PAXBP1: variants seen among roughly 807,000 people sequenced by gnomAD.
PAXBP1 encodes the protein PAX3- and PAX7-binding protein 1.
A neutral mutation model predicts 119.9 loss-of-function variants in PAXBP1; 44 were observed. That is an observed-to-expected ratio of 0.37 (90% confidence interval 0.29 to 0.47). The LOEUF is 0.47. Among genes scored for constraint, PAXBP1 ranks in the 20% least tolerant of loss-of-function variants. PAXBP1 has a pLI of 0.99. For synonymous variants in PAXBP1, 393 were observed against 406.6 expected, an observed-to-expected ratio of 0.97 and a Z score of 0.40; for missense variants, 898 against 1,134.1, an observed-to-expected ratio of 0.79 and a Z score of 2.99.
intron 2 of PAXBP1, among the ~76,000 whole-genome samples, chr21:32,766,425 T>C (rs1486919963): frequency 1.3e-5 from 2 of 152,196 alleles, no homozygotes; most frequent in African/African-American, 4.8e-5. Flanking sequence ...TTTCATTTAC[T>C]ACTACTTCAG....
At chr21:32,770,038 AATAT>A in intron 1 of PAXBP1, 96 bp from the exon 2 acceptor site, 1 of 901,048 alleles carries the variant, frequency 1.1e-6, no homozygotes, top group Non-Finnish European at 1.6e-6. Flanking sequence ...AATTATCCCA[AATAT>A]ATATACTCAT....
intron 11 of PAXBP1, among the ~76,000 whole-genome samples, chr21:32,748,006 T>C (rs1025164160): frequency 6.6e-6 from 1 of 151,756 alleles, no homozygotes; most frequent in African/African-American, 2.4e-5. Flanking sequence ...AGGCTGGTCT[T>C]GAACTCCTGA....
Position 32,758,695 on chromosome 21 carries a change from T to A in PAXBP1, c.1383+385A>T, listed in dbSNP as rs113324347. 1.3e-3 allele frequency among the ~76,000 whole-genome samples: 195 copies of A among 146,182 alleles called. 2 individuals are homozygous for A. The highest frequency in any genetic ancestry group is 2.1e-3 in the Non-Finnish European group (136 of 66,278). ...ATAAAAATTTGCAACTTTATATGCATATTTAGAATTGCTTGTAGAAACGTT... is the reference window on the plus strand; with the variant it reads ...ATAAAAATTTGCAACTTTATATGCAAATTTAGAATTGCTTGTAGAAACGTT... On this transcript the variant is annotated intron_variant, in intron 7 of 17. Transcript: ENST00000331923.
At chr21:32,750,416 G>A (rs2043941169) in intron 10 of PAXBP1, among the ~76,000 whole-genome samples, 1 of 152,234 alleles carries the variant, frequency 6.6e-6, no homozygotes, top group Non-Finnish European at 1.5e-5. Flanking sequence ...CAAATGGTGT[G>A]CAATTGATAT....
At chr21:32,766,231 T>A (rs1037520431) in intron 2 of PAXBP1, among the ~76,000 whole-genome samples, 3 of 152,194 alleles carry the variant, frequency 2.0e-5, no homozygotes, top group Non-Finnish European at 4.4e-5. Context: ...GCTCAGATAA[T>A]GAATGATTCC....
Position 32,768,531 on chromosome 21 carries a change from C to T in PAXBP1, c.472+1283G>A, listed in dbSNP as rs1369254635. 2.0e-5 allele frequency among the ~76,000 whole-genome samples: 3 copies of T among 152,212 alleles called. No homozygotes were observed. The East Asian group carries it at 5.8e-4, about 29-fold the overall frequency. On this transcript the variant is annotated intron_variant, in intron 2 of 17. Coordinates refer to ENST00000331923, the MANE Select transcript of PAXBP1 (RefSeq NM_016631.4). ...CTAAAACAACAGAAAACATTTTTAA[C>T]TCATCCAGAATTTCCTACTAAATCA...
chr21:32,737,401 T>C lies in PAXBP1; in HGVS notation c.2489A>G (p.Asn830Ser), dbSNP rs370348660. 8.6e-5 allele frequency: 138 copies of C among 1,599,110 alleles called. No homozygotes were observed. Among genetic ancestry groups the C allele is most frequent in the Middle Eastern group, 5.0e-4 (3 of 6,014 alleles). ...DSIKKAQNVI[N>S]CFPKQWFMNL... Reference sequence around the variant, plus strand: ...CATGAACCATTGTTTGGGGAAACAATTGATTACCTGTGGAGAAGAAAGACG... The same window carrying C: ...CATGAACCATTGTTTGGGGAAACAACTGATTACCTGTGGAGAAGAAAGACG... Residue 830 changes from asparagine (N) to serine (S), a missense_variant, in exon 17 of 18, where the codon AAT (asparagine) becomes AGT (serine). Around this residue, in one of 2 missense-constraint regions of PAXBP1, gnomAD observed 599 missense variants for 852.7 expected, o/e 0.70. Coordinates refer to ENST00000331923, the MANE Select transcript of PAXBP1 (RefSeq NM_016631.4).
At chr21:32,753,425 C>CA (rs757858309) in intron 8 of PAXBP1, among the ~76,000 whole-genome samples, 38,752 of 90,522 alleles carry the variant, frequency 0.43, 7,613 homozygotes, top group Non-Finnish European at 0.46. Context: ...GACTCCGTCT[C>CA]AAAAAAAAAA....
intron 8 of PAXBP1, among the ~76,000 whole-genome samples, chr21:32,752,335 G>A (rs1298500901): frequency 6.6e-6 from 1 of 151,714 alleles, no homozygotes; most frequent in Admixed American, 6.6e-5. Context: ...TCTTGCCTAG[G>A]TAAAAGAAGG....
At chr21:32,767,388 G>A (rs1311570896) in intron 2 of PAXBP1, among the ~76,000 whole-genome samples, 1 of 152,168 alleles carries the variant, frequency 6.6e-6, no homozygotes, top group Admixed American at 6.5e-5. Flanking sequence ...AGTGAGTGGA[G>A]TATCAGAATT....
chr21:32,751,298 C>T (rs759857466), intron 8 of PAXBP1, 80 bp from the exon 9 acceptor site: 12 of 1,278,260 alleles, frequency 9.4e-6, no homozygotes, highest in Admixed American at 7.2e-5. Context: ...TAAGCCATTA[C>T]GACAGACTGC....
intron 15 of PAXBP1, among the ~76,000 whole-genome samples, chr21:32,740,997 G>A (rs536502392): frequency 1.3e-5 from 2 of 152,280 alleles, no homozygotes; most frequent in East Asian, 3.9e-4. Context: ...ACTGTCATTA[G>A]GGAAATGCAA....
intron 1 of PAXBP1, 91 bp from the exon 2 acceptor site, chr21:32,770,033 T>C (rs969213488): frequency 6.3e-6 from 6 of 952,654 alleles, no homozygotes; most frequent in Non-Finnish European, 9.0e-6. Flanking sequence ...GTCCAAATTA[T>C]CCCAAATATA....
chr21:32,762,153 G>A lies in PAXBP1; in HGVS notation c.814C>T (p.Arg272Trp). The A allele has an allele frequency of 1.2e-6, 2 of 1,614,036 alleles. No individual in the cohort carries two copies. The highest frequency in any genetic ancestry group is 8.5e-7 in the Non-Finnish European group (1 of 1,180,014). The part of the protein sequence containing the change: ...SDDEDDDEKR[R>W]IVFSVKEKSQ... ...TTTTCTTTCACAGAAAAAACTATCC[G>A]GCGTTTCTCATCGTCATCTTCATCA... The change falls in exon 4 of 18, where the codon CGG becomes TGG. Residue 272 changes from arginine (R) to tryptophan (W), a missense_variant. Physicochemically the swap from Arg to Trp is moderately radical, Grantham distance 101. Around this residue, in one of 2 missense-constraint regions of PAXBP1, gnomAD observed 599 missense variants for 852.7 expected, o/e 0.70. Transcript: ENST00000331923.
intron 6 of PAXBP1, 34 bp downstream of exon 6, chr21:32,759,743 G>T (rs765719326): frequency 6.5e-7 from 1 of 1,548,328 alleles, no homozygotes; most frequent in Non-Finnish European, 8.9e-7. Flanking sequence ...CAGAAAGCTA[G>T]CGGACAGGTC....
intron 10 of PAXBP1, 102 bp from the exon 11 acceptor site, chr21:32,748,800 G>A: frequency 2.0e-6 from 2 of 1,009,064 alleles, no homozygotes; most frequent in Non-Finnish European, 2.8e-6. Context: ...AGTATCAGAA[G>A]ATACGCTCAT....
intron 6 of PAXBP1, 53 bp from the exon 7 acceptor site, chr21:32,759,322 T>C: frequency 1.3e-6 from 2 of 1,503,374 alleles, no homozygotes; most frequent in South Asian, 2.5e-5. Flanking sequence ...AGGTCTATGG[T>C]GTCAGGACTC....
intron 5 of PAXBP1, among the ~76,000 whole-genome samples, chr21:32,760,345 T>C (rs1169480644): frequency 6.6e-6 from 1 of 152,174 alleles, no homozygotes; most frequent in Non-Finnish European, 1.5e-5. Flanking sequence ...ACTCCTGACA[T>C]CCAGTCCAAG....
rs1406663700 is a variant in PAXBP1 at position 32,751,049 on chromosome 21, A to G, written c.1608-17T>C. ...CGACGAGTCCTAAATAATAAACATCAAGTTCCCAAACTAGATAACAGAGAC... is the reference window on the plus strand; with the variant it reads ...CGACGAGTCCTAAATAATAAACATCGAGTTCCCAAACTAGATAACAGAGAC... On this transcript the variant is annotated splice_polypyrimidine_tract_variant and intron_variant, in intron 9 of 17. Transcript: ENST00000331923. 4 of 1,612,446 alleles carry G rather than the reference A, an allele frequency of 2.5e-6. No individual in the cohort carries two copies. The highest frequency in any genetic ancestry group is 4.5e-5 in the East Asian group (2 of 44,892).
Sources: gnomAD v4.1 joint callset for allele counts (sites outside exome capture counted in the v4.1 genomes callset) on GRCh38, gnomAD v4.1.1 for gene constraint, gnomAD v4.1.1 regional missense constraint, MANE v1.5 for transcripts, NCBI Gene and HGNC (gene_info 2026-07-23, HGNC 2026-07-21) for gene names.